PIK3C2G: variants seen among roughly 807,000 people sequenced by gnomAD.
PIK3C2G encodes the protein phosphatidylinositol-4-phosphate 3-kinase catalytic subunit type 2 gamma.
A neutral mutation model predicts 181.1 loss-of-function variants in PIK3C2G; 168 were observed. The observed-to-expected ratio is 0.93, with a 90% CI of 0.82 to 1.05. The LOEUF is 1.05. Ranked by LOEUF, PIK3C2G falls within the 50% of genes least tolerant of loss-of-function variation. The pLI is 0.00. For missense variants in PIK3C2G, 1,869 were observed against 1,732.8 expected, an observed-to-expected ratio of 1.08 and a Z score of -1.40; for synonymous variants, 573 against 592.2, an observed-to-expected ratio of 0.97 and a Z score of 0.47.
intron 16 of PIK3C2G, among the ~76,000 whole-genome samples, chr12:18,411,957 T>C (rs1944889253): frequency 6.6e-6 from 1 of 151,926 alleles, no homozygotes; most frequent in Admixed American, 6.6e-5. Context: ...GGGGAGAAAA[T>C]CTAAAAAAGG....
At chr12:18,423,836 A>C in intron 17 of PIK3C2G, 109 bp from the exon 18 acceptor site, 1 of 674,514 alleles carries the variant, frequency 1.5e-6, no homozygotes, top group Non-Finnish European at 2.7e-6. Context: ...GCATTTTGTT[A>C]AAATATGCAT....
rs759049978 is a variant in PIK3C2G, at chr12:18,290,935, A to G, written c.842A>G (p.Gln281Arg). ...IWSTTTAFPYQLFSKTKFNIH... is the reference protein window; with the variant it reads ...IWSTTTAFPYRLFSKTKFNIH... The stretch of plus-strand genomic sequence containing the variant: ...AGCACTACTACAGCATTTCCGTATC[A>G]GCTCTTTTCTAAGACCAAGTTTAAT... The change falls in exon 4 of 33, where the codon CAG becomes CGG. Residue 281 changes from glutamine to arginine, a missense_variant. Physicochemically the swap from Gln to Arg is conservative, Grantham distance 43. Transcript: ENST00000538779. 1.3e-6 allele frequency: 2 copies of G among 1,583,270 alleles called. No individual in the cohort carries two copies. The highest frequency in any genetic ancestry group is 1.7e-6 in the Non-Finnish European group (2 of 1,152,104).
Position 18,381,867 on chromosome 12 carries a change from C to T in PIK3C2G, c.1982C>T (p.Pro661Leu), listed in dbSNP as rs759595930. The stretch of plus-strand genomic sequence containing the variant: ...GTGTGGGATGTAAGTCAGCCATCCC[C>T]GGTGACCCTGCAGGTAAGTGCCAGG... ...PGVWDVSQPS[P>L]VTLQIDFPAT... The change falls in exon 14 of 33, where the codon CCG (proline) becomes CTG (leucine). Residue 661 changes from proline (P) to leucine (L), a missense_variant. Pro to Leu is a moderately conservative substitution (Grantham distance 98). Transcript: ENST00000538779. 7.6e-5 allele frequency: 122 copies of T among 1,604,764 alleles called. No homozygotes were observed. The highest frequency in any genetic ancestry group is 1.6e-4 in the Middle Eastern group (1 of 6,072).
chr12:18,718,899 G>A, the PIK3C2G span, among the ~76,000 whole-genome samples: 1 of 152,152 alleles, frequency 6.6e-6, no homozygotes, highest in East Asian at 1.9e-4. Flanking sequence ...TAGGTACATT[G>A]TTAGGTATAA....
chr12:18,487,028 A>G (rs569696148), intron 18 of PIK3C2G, among the ~76,000 whole-genome samples: 1 of 152,106 alleles, frequency 6.6e-6, no homozygotes, highest in East Asian at 1.9e-4. Context: ...CTCTTCTTAA[A>G]ATGAAAAGAA....
At chr12:18,697,584 T>A in the PIK3C2G span, among the ~76,000 whole-genome samples, 3 of 152,182 alleles carry the variant, frequency 2.0e-5, no homozygotes, top group African/African-American at 7.2e-5. Context: ...AGTTCATGTT[T>A]ACTGTAAAAT....
intron 30 of PIK3C2G, among the ~76,000 whole-genome samples, chr12:18,603,939 G>C (rs896695920): frequency 2.0e-5 from 3 of 151,638 alleles, no homozygotes; most frequent in Non-Finnish European, 4.4e-5. Context: ...AATCACACAG[G>C]ACTTATGAAA....
intron 19 of PIK3C2G, among the ~76,000 whole-genome samples, chr12:18,489,356 C>CATG (rs1230371499): frequency 6.6e-6 from 1 of 152,056 alleles, no homozygotes; most frequent in African/African-American, 2.4e-5. Flanking sequence ...ATGACCAAAA[C>CATG]ATGAGTTTTG....
chr12:18,625,784 C>T (rs1949070339), intron 31 of PIK3C2G, among the ~76,000 whole-genome samples: 1 of 151,744 alleles, frequency 6.6e-6, no homozygotes, highest in Admixed American at 6.6e-5. Flanking sequence ...GTCTTTGTCT[C>T]TTTTTGCAGT....
chr12:18,426,514 C>A (rs552009104), intron 18 of PIK3C2G, among the ~76,000 whole-genome samples: 1 of 152,128 alleles, frequency 6.6e-6, no homozygotes, highest in African/African-American at 2.4e-5. Flanking sequence ...GTATTGTTAA[C>A]CTTGTTGATT....
At chr12:18,394,006 A>G (rs61914529) in intron 15 of PIK3C2G, among the ~76,000 whole-genome samples, 3 of 151,952 alleles carry the variant, frequency 2.0e-5, no homozygotes, top group African/African-American at 7.3e-5. Flanking sequence ...AAACTACTCA[A>G]CTTTCCAGGT....
chr12:18,299,263 G>A (rs1345445288), intron 5 of PIK3C2G, among the ~76,000 whole-genome samples: 1 of 151,838 alleles, frequency 6.6e-6, no homozygotes, highest in Non-Finnish European at 1.5e-5. Context: ...TACCCCTTTG[G>A]TTAAGTTTAC....
intron 4 of PIK3C2G, 43 bp downstream of exon 4, chr12:18,291,055 G>T: frequency 8.0e-7 from 1 of 1,249,288 alleles, no homozygotes; most frequent in Admixed American, 2.2e-5. Flanking sequence ...ATACAAAGCT[G>T]GTATTGGCGA....
intron 22 of PIK3C2G, among the ~76,000 whole-genome samples, chr12:18,500,224 G>T (rs1393283517): frequency 6.6e-6 from 1 of 152,074 alleles, no homozygotes; most frequent in Non-Finnish European, 1.5e-5. Context: ...TGGGCTTGGC[G>T]GGCCCCGCAC....
At chr12:18,693,668 A>C in the PIK3C2G span, 1 of 1,566,984 alleles carries the variant, frequency 6.4e-7, no homozygotes, top group Non-Finnish European at 8.8e-7. Context: ...ATATGACTCC[A>C]ATTCTGGTGG....
intron 30 of PIK3C2G, among the ~76,000 whole-genome samples, chr12:18,597,475 T>C (rs1467459126): frequency 1.3e-5 from 2 of 152,042 alleles, no homozygotes; most frequent in Non-Finnish European, 2.9e-5. Context: ...AGAAAACTAA[T>C]CTATTATATT....
the PIK3C2G span, among the ~76,000 whole-genome samples, chr12:18,673,578 T>C: frequency 2.6e-5 from 4 of 152,228 alleles, no homozygotes; most frequent in Non-Finnish European, 4.4e-5. Flanking sequence ...TAGTTATCTA[T>C]TGTTATGTAA....
At chr12:18,588,444 G>T (rs1024777556) in intron 29 of PIK3C2G, among the ~76,000 whole-genome samples, 21 of 152,064 alleles carry the variant, frequency 1.4e-4, no homozygotes, top group African/African-American at 4.1e-4. Flanking sequence ...GACATGAACA[G>T]ACACTTTTCA....
At chr12:18,508,695 G>A (rs1429293488) in intron 24 of PIK3C2G, among the ~76,000 whole-genome samples, 1 of 152,062 alleles carries the variant, frequency 6.6e-6, no homozygotes, top group Admixed American at 6.6e-5. Flanking sequence ...ATGACCTTGA[G>A]CAGTAGGATA....
Sources: allele counts gnomAD v4.1 joint callset (sites outside exome capture counted in the v4.1 genomes callset), GRCh38; gene constraint gnomAD v4.1.1; transcripts MANE v1.5; gene names NCBI Gene and HGNC (gene_info 2026-07-23, HGNC 2026-07-21).